RTF1: variants seen among roughly 807,000 people sequenced by gnomAD.
RTF1 encodes the protein RNA polymerase-associated protein RTF1 homolog.
A neutral mutation model predicts 95.7 loss-of-function variants in RTF1; 10 were observed. That is an observed-to-expected ratio of 0.10 (90% CI 0.06 to 0.18). RTF1 has a LOEUF of 0.18. RTF1 is among the 10% of genes least tolerant of loss of function. The pLI, the probability that RTF1 is intolerant of heterozygous loss-of-function variation, is 1.00. For synonymous variants in RTF1, 305 were observed against 311.8 expected, an observed-to-expected ratio of 0.98 and a Z score of 0.23; for missense variants, 458 against 875.6, an observed-to-expected ratio of 0.52 and a Z score of 6.02.
At position 41,471,952 on chromosome 15, in the gene RTF1, G is replaced by T. The variant is rs545830421; in HGVS notation, c.1203+603G>T. ...CTCATTCTGTCACCCAGGCTGGAGT[G>T]CAATGGCGTGGTCTTGGCTCACTGC... is the stretch of plus-strand genomic sequence containing the variant. On this transcript the variant is annotated intron_variant, in intron 8 of 17. Transcript: ENST00000389629. Among the ~76,000 whole-genome samples the T allele has an allele frequency of 1.2e-3, 183 of 152,208 alleles. 1 individual carries two copies. Among genetic ancestry groups the T allele is most frequent in the Non-Finnish European group, 1.6e-3 (111 of 68,020 alleles).
chr15:41,468,567 T>G (rs1595438414), intron 6 of RTF1, among the ~76,000 whole-genome samples: 1 of 152,254 alleles, frequency 6.6e-6, no homozygotes, highest in East Asian at 1.9e-4. Flanking sequence ...TCCGCCCGCC[T>G]CGGCCTCCCA....
chr15:41,417,172 C>A lies in RTF1; in HGVS notation c.57C>A (p.Val19=). Residue 19 remains valine (V), a synonymous_variant, in exon 1 of 18, where the codon GTC becomes GTA. Transcript: ENST00000389629. The part of the protein sequence containing the change: ...RAAAAAAAVA[V]PLAGGQEGSP... ...CGGCGGCGGCGGCGGCAGTGGCGGT[C>A]CCACTGGCAGGCGGGCAAGAGGGGA... 7.9e-7 allele frequency: 1 copy of A among 1,263,784 alleles called. No homozygotes were observed. Among genetic ancestry groups the A allele is most frequent in the Non-Finnish European group, 1.0e-6 (1 of 1,000,338 alleles). 78.3% of individuals were successfully genotyped at this position (1,263,784 alleles called of 1,614,324 possible).
At chr15:41,446,803 ATT>A (rs764254736) in intron 2 of RTF1, among the ~76,000 whole-genome samples, 14 of 136,738 alleles carry the variant, frequency 1.0e-4, no homozygotes, top group South Asian at 2.3e-4. Flanking sequence ...CCCAGCTGTT[ATT>A]TTTTTTTTTT....
chr15:41,433,021 GGT>G (rs2050683315), intron 1 of RTF1, among the ~76,000 whole-genome samples: 1 of 152,122 alleles, frequency 6.6e-6, no homozygotes. Flanking sequence ...GGGAGGCTGA[GGT>G]GGGCAGATCA....
intron 1 of RTF1, among the ~76,000 whole-genome samples, chr15:41,423,616 A>T (rs1595422259): frequency 6.6e-6 from 1 of 150,896 alleles, no homozygotes; most frequent in East Asian, 2.0e-4. Flanking sequence ...TGATCCACCC[A>T]CCTCGGCCTC....
Position 41,482,218 on chromosome 15 carries a change from G to C in RTF1, c.*1531G>C, listed in dbSNP as rs1213403025. On this transcript the variant is annotated 3_prime_UTR_variant, in exon 18 of 18. Transcript: ENST00000389629. Reference sequence around the variant, plus strand: ...TATGTCTTTATGAAATGTTTGAAAAGAGATAAACTGACTGCTTGATAATCA... The same window carrying C: ...TATGTCTTTATGAAATGTTTGAAAACAGATAAACTGACTGCTTGATAATCA... The C allele has an allele frequency of 6.5e-6, 1 of 152,690 alleles. No homozygotes were observed. The highest frequency in any genetic ancestry group is 2.4e-5 in the African/African-American group (1 of 41,464). 9.5% of individuals were successfully genotyped at this position (152,690 alleles called of 1,614,324 possible).
chr15:41,468,421 C>T (rs2050891814), intron 6 of RTF1, among the ~76,000 whole-genome samples: 1 of 151,822 alleles, frequency 6.6e-6, no homozygotes, highest in African/African-American at 2.4e-5. Flanking sequence ...GGGTTCACAC[C>T]ATTCTCCTGC....
chr15:41,479,938 T>A (rs1217396836), intron 16 of RTF1, among the ~76,000 whole-genome samples: 1 of 151,962 alleles, frequency 6.6e-6, no homozygotes, highest in African/African-American at 2.4e-5. Context: ...GTCTCAGGAT[T>A]TCTGAAATCT....
At chr15:41,446,806 T>A (rs866524992) in intron 2 of RTF1, among the ~76,000 whole-genome samples, 38 of 150,398 alleles carry the variant, frequency 2.5e-4, no homozygotes, top group South Asian at 4.2e-4. Context: ...AGCTGTTATT[T>A]TTTTTTTTTT....
intron 4 of RTF1, among the ~76,000 whole-genome samples, chr15:41,458,953 T>C (rs2050832799): frequency 6.6e-6 from 1 of 151,852 alleles, no homozygotes; most frequent in African/African-American, 2.4e-5. Flanking sequence ...GCATCTGTAA[T>C]CCCAGCTATT....
intron 1 of RTF1, among the ~76,000 whole-genome samples, chr15:41,421,081 G>C (rs2050598091): frequency 6.6e-6 from 1 of 152,124 alleles, no homozygotes; most frequent in Admixed American, 6.6e-5. Flanking sequence ...CAGCACTTTG[G>C]GAGGCCAAAG....
chr15:41,435,934 C>A (rs577354213), intron 1 of RTF1, among the ~76,000 whole-genome samples: 2 of 152,214 alleles, frequency 1.3e-5, no homozygotes, highest in African/African-American at 2.4e-5. Flanking sequence ...TTCTGTCTGC[C>A]GAGGTTTGAA....
Position 41,417,142 on chromosome 15 carries a change from A to G in RTF1, c.27A>G (p.Arg9=), listed in dbSNP as rs547725252. 11 of 1,257,356 alleles carry G rather than the reference A, an allele frequency of 8.7e-6. No homozygotes were observed. In the African/African-American group the frequency reaches 1.7e-4, roughly 19 times the overall value. The allele number at this position is 1,257,356 out of a possible 1,614,324, so 77.9% of individuals were successfully genotyped here. Residue 9 remains arginine (R), a synonymous_variant, in exon 1 of 18, where the codon CGA becomes CGG. Transcript: ENST00000389629. The part of the protein sequence containing the change: MRGRLCVG[R]AAAAAAAVAV... ...TGCGCGGTCGCCTTTGTGTGGGTCG[A>G]GCAGCGGCGGCGGCGGCGGCAGTGG... is the stretch of plus-strand genomic sequence containing the variant.
At chr15:41,464,697 T>G in intron 4 of RTF1, 74 bp from the exon 5 acceptor site, 2 of 1,304,952 alleles carry the variant, frequency 1.5e-6, no homozygotes, top group Non-Finnish European at 2.1e-6. Flanking sequence ...CCTTAGTTCC[T>G]TTCTCCTATC....
rs148456498 is a variant in RTF1, at chr15:41,435,765, A to G, written c.199-2556A>G. ...TAAAACAGATACTTTGTAGCAGTCT[A>G]TTATTTTACAGTCTGTCTTGGCACT... is the stretch of plus-strand genomic sequence containing the variant. On this transcript the variant is annotated intron_variant, in intron 1 of 17. Coordinates refer to ENST00000389629, the MANE Select transcript of RTF1 (RefSeq NM_015138.5). 1.1e-3 allele frequency among the ~76,000 whole-genome samples: 170 copies of G among 152,334 alleles called. 1 individual carries two copies. The highest frequency in any genetic ancestry group is 3.4e-3 in the Middle Eastern group (1 of 294).
intron 1 of RTF1, 22 bp from the exon 2 acceptor site, chr15:41,438,299 G>T (rs1288745909): frequency 1.4e-6 from 2 of 1,472,582 alleles, no homozygotes; most frequent in Non-Finnish European, 1.9e-6. Flanking sequence ...CAAAACTGAT[G>T]TGCCTATTTT....
chr15:41,474,784 GTTCC>G, intron 9 of RTF1, 82 bp downstream of exon 9: 2 of 990,374 alleles, frequency 2.0e-6, no homozygotes, highest in Non-Finnish European at 3.3e-6. Flanking sequence ...TCTGTGTGAT[GTTCC>G]TTGTTACCAT....
intron 3 of RTF1, among the ~76,000 whole-genome samples, chr15:41,453,638 G>C (rs915650819): frequency 6.6e-6 from 1 of 151,698 alleles, no homozygotes; most frequent in Non-Finnish European, 1.5e-5. Flanking sequence ...GAGGCGAGAG[G>C]CTTGCTTGAG....
chr15:41,467,714 T>TA lies in RTF1; in HGVS notation c.889+1472dup, dbSNP rs958010230. 9.0e-4 allele frequency among the ~76,000 whole-genome samples: 130 copies of TA among 144,932 alleles called. 1 individual carries two copies. The South Asian group carries it at 0.016, about 18-fold the overall frequency. On this transcript the variant is annotated intron_variant, in intron 6 of 17. Coordinates refer to ENST00000389629, the MANE Select transcript of RTF1 (RefSeq NM_015138.5). ...TGGACAACAGAGTGAGACTCAATCT[T>TA]AAAAAAAAAACAACAAAAGATAATG...
Sources: allele counts gnomAD v4.1 joint callset (sites outside exome capture counted in the v4.1 genomes callset), GRCh38; gene constraint gnomAD v4.1.1; transcripts MANE v1.5; gene names NCBI Gene and HGNC (gene_info 2026-07-23, HGNC 2026-07-21).